TMEM117: variants seen among roughly 807,000 people sequenced by gnomAD.
The protein encoded by TMEM117 is transmembrane protein 117.
In TMEM117, 27 loss-of-function variants were observed where a neutral mutation model predicts 52.4. The ratio of observed to expected loss-of-function variants is 0.51; its 90% confidence interval spans 0.38 to 0.71. The LOEUF (loss-of-function observed/expected upper bound fraction) is 0.71, where lower values mean the gene tolerates loss of function less well. Among genes scored for constraint, TMEM117 ranks in the 30% least tolerant of loss-of-function variants. The pLI is 0.00. For synonymous variants in TMEM117, 215 were observed against 206.3 expected, an observed-to-expected ratio of 1.04 and a Z score of -0.36; for missense variants, 556 against 630.5, an observed-to-expected ratio of 0.88 and a Z score of 1.26.
intron 3 of TMEM117, among the ~76,000 whole-genome samples, chr12:43,953,797 G>A (rs994533527): frequency 6.6e-6 from 1 of 152,146 alleles, no homozygotes; most frequent in African/African-American, 2.4e-5. Flanking sequence ...TCTAGACCAG[G>A]TGGACCTGAT....
intron 3 of TMEM117, among the ~76,000 whole-genome samples, chr12:44,091,566 C>T (rs1192155792): frequency 4.6e-5 from 7 of 152,084 alleles, no homozygotes; most frequent in Non-Finnish European, 8.8e-5. Context: ...TACAGCGTGC[C>T]ACTAAGGAAG....
intron 6 of TMEM117, among the ~76,000 whole-genome samples, chr12:44,368,207 G>A (rs1951816280): frequency 6.6e-6 from 1 of 152,032 alleles, no homozygotes; most frequent in African/African-American, 2.4e-5. Flanking sequence ...TAAAATAGAA[G>A]CCACACCCAA....
the TMEM117 span, among the ~76,000 whole-genome samples, chr12:43,815,169 G>A: frequency 6.6e-6 from 1 of 152,186 alleles, no homozygotes; most frequent in African/African-American, 2.4e-5. Context: ...TGCAGGTGAT[G>A]TTGGGTTTTA....
intron 5 of TMEM117, among the ~76,000 whole-genome samples, chr12:44,266,384 A>G (rs913496999): frequency 1.3e-5 from 2 of 152,154 alleles, no homozygotes; most frequent in Non-Finnish European, 2.9e-5. Flanking sequence ...TATACTGAGC[A>G]TCTTTTTATG....
At chr12:43,987,747 A>G (rs1036033755) in intron 3 of TMEM117, among the ~76,000 whole-genome samples, 4 of 152,180 alleles carry the variant, frequency 2.6e-5, no homozygotes, top group African/African-American at 9.6e-5. Flanking sequence ...TTATCCCTAT[A>G]AAATAAAAAC....
chr12:44,343,996 G>C (rs1217015238), intron 6 of TMEM117, among the ~76,000 whole-genome samples: 1 of 152,050 alleles, frequency 6.6e-6, no homozygotes, highest in Non-Finnish European at 1.5e-5. Context: ...AGACAGGTGG[G>C]GGCAGCTCAT....
chr12:44,053,919 G>A (rs1947012545), intron 3 of TMEM117, among the ~76,000 whole-genome samples: 1 of 152,194 alleles, frequency 6.6e-6, no homozygotes, highest in African/African-American at 2.4e-5. Context: ...ATTGCAACAT[G>A]AATGTTAGTT....
intron 5 of TMEM117, among the ~76,000 whole-genome samples, chr12:44,255,838 A>C (rs1380403074): frequency 6.6e-6 from 1 of 152,090 alleles, no homozygotes. Context: ...TTAGCATTTA[A>C]AAAATATTTT....
At chr12:44,230,543 A>G (rs1346623546) in intron 5 of TMEM117, among the ~76,000 whole-genome samples, 1 of 152,008 alleles carries the variant, frequency 6.6e-6, no homozygotes, top group African/African-American at 2.4e-5. Context: ...AAGAACATCA[A>G]CAGCCAACTT....
intron 2 of TMEM117, among the ~76,000 whole-genome samples, chr12:43,878,906 T>A (rs985626215): frequency 6.6e-5 from 10 of 152,198 alleles, no homozygotes; most frequent in Non-Finnish European, 1.3e-4. Flanking sequence ...CATAAATGTG[T>A]ACCAATGATA....
intron 6 of TMEM117, among the ~76,000 whole-genome samples, chr12:44,326,517 A>G (rs1378395242): frequency 2.6e-5 from 4 of 152,132 alleles, no homozygotes; most frequent in Non-Finnish European, 5.9e-5. Flanking sequence ...TTCAGTAGGA[A>G]CATGCTCTCT....
chr12:43,918,480 A>C (rs1944641498), intron 2 of TMEM117, among the ~76,000 whole-genome samples: 1 of 152,228 alleles, frequency 6.6e-6, no homozygotes, highest in Non-Finnish European at 1.5e-5. Context: ...CCGCCTAAGC[A>C]AAAGGTTATT....
intron 2 of TMEM117, among the ~76,000 whole-genome samples, chr12:43,845,294 C>T (rs1337713662): frequency 6.6e-6 from 1 of 151,708 alleles, no homozygotes; most frequent in Non-Finnish European, 1.5e-5. Context: ...AACCTCATCT[C>T]TACTAAAAAT....
intron 6 of TMEM117, among the ~76,000 whole-genome samples, chr12:44,335,936 G>A (rs7307771): frequency 0.66 from 100,649 of 151,822 alleles, 34,246 homozygotes; most frequent in East Asian, 0.9. Flanking sequence ...TAAGAAATAA[G>A]ACCAGAAATA....
At chr12:44,152,509 TATATAAATTTATATATATATTTATATC>T (rs1565850734) in intron 4 of TMEM117, among the ~76,000 whole-genome samples, 39 of 112,270 alleles carry the variant, frequency 3.5e-4, no homozygotes, top group African/African-American at 1.4e-3. Context: ...AATTATATCA[TATATAAATTTATATATATATTTATATC>T]ATATAAATTT....
chr12:43,920,955 TTGATC>T (rs1000831881), intron 2 of TMEM117, among the ~76,000 whole-genome samples: 7 of 152,272 alleles, frequency 4.6e-5, no homozygotes, highest in African/African-American at 1.7e-4. Flanking sequence ...TTGTTAGTCC[TTGATC>T]TGCATTGTGC....
At chr12:43,882,435 T>TG (rs1943914598) in intron 2 of TMEM117, among the ~76,000 whole-genome samples, 1 of 128,328 alleles carries the variant, frequency 7.8e-6, no homozygotes, top group South Asian at 2.6e-4. Flanking sequence ...ACTCCAGCTT[T>TG]GGGGACAAGA....
chr12:44,147,418 C>A (rs2138211145), intron 4 of TMEM117, among the ~76,000 whole-genome samples: 1 of 152,256 alleles, frequency 6.6e-6, no homozygotes, highest in East Asian at 1.9e-4. Context: ...ATCATGATGG[C>A]ACTTGCTTCT....
chr12:44,038,632 T>C (rs986362752), intron 3 of TMEM117, among the ~76,000 whole-genome samples: 3 of 152,214 alleles, frequency 2.0e-5, no homozygotes, highest in Non-Finnish European at 4.4e-5. Context: ...AGTAAAAACT[T>C]GGGCAAAGGT....
Sources: gnomAD v4.1 joint callset for allele counts (sites outside exome capture counted in the v4.1 genomes callset) on GRCh38, gnomAD v4.1.1 for gene constraint, MANE v1.5 for transcripts, NCBI Gene and HGNC (gene_info 2026-07-23, HGNC 2026-07-21) for gene names.